FRMPD1: variants seen among roughly 807,000 people sequenced by gnomAD.
FRMPD1 encodes FERM and PDZ domain-containing protein 1.
FRMPD1 carries 76 observed loss-of-function variants against 117.8 expected under a neutral mutation model. The observed-to-expected ratio is 0.65, with a 90% CI of 0.54 to 0.78. FRMPD1 has a LOEUF of 0.78. FRMPD1 is among the 30% of genes least tolerant of loss of function. The pLI is 0.00. For missense variants in FRMPD1, 1,786 were observed against 1,964.5 expected (o/e 0.91, Z 1.72); for synonymous variants, 783 against 770.4 (o/e 1.02, Z -0.27).
At chr9:37,623,260 C>T in the FRMPD1 span, among the ~76,000 whole-genome samples, 1 of 152,114 alleles carries the variant, frequency 6.6e-6, no homozygotes, top group Non-Finnish European at 1.5e-5. Flanking sequence ...ATGAACGAGA[C>T]AGCCTCTGGT....
intron 1 of FRMPD1, among the ~76,000 whole-genome samples, chr9:37,664,885 G>T (rs143348396): frequency 2.1e-3 from 313 of 152,152 alleles, no homozygotes; most frequent in African/African-American, 7.2e-3. Flanking sequence ...TTTTGTGGGG[G>T]GCAATTTGGC....
At chr9:37,680,687 A>G (rs1353145993) in intron 1 of FRMPD1, among the ~76,000 whole-genome samples, 1 of 152,188 alleles carries the variant, frequency 6.6e-6, no homozygotes. Context: ...GGATGCAGGC[A>G]GCCAGAACTT....
chr9:37,704,459 G>A (rs776639096), intron 2 of FRMPD1, among the ~76,000 whole-genome samples: 3 of 152,076 alleles, frequency 2.0e-5, no homozygotes, highest in Non-Finnish European at 4.4e-5. Flanking sequence ...TATGCGGTGT[G>A]TATATTTCAT....
the FRMPD1 span, among the ~76,000 whole-genome samples, chr9:37,607,280 C>T: frequency 1.3e-5 from 2 of 152,092 alleles, no homozygotes; most frequent in South Asian, 4.1e-4. Context: ...CACACCACTG[C>T]ACTCCAGCCT....
chr9:37,713,280 C>T (rs560583009), intron 5 of FRMPD1, among the ~76,000 whole-genome samples: 5 of 152,098 alleles, frequency 3.3e-5, no homozygotes, highest in South Asian at 2.1e-4. Context: ...TCAATGTAAT[C>T]AGATAAAAAG....
the FRMPD1 span, among the ~76,000 whole-genome samples, chr9:37,609,119 C>T: frequency 6.6e-6 from 1 of 151,600 alleles, no homozygotes; most frequent in African/African-American, 2.4e-5. Context: ...GGAGAAACCC[C>T]GTCTCTACTA....
the FRMPD1 span, among the ~76,000 whole-genome samples, chr9:37,631,523 G>A: frequency 6.6e-6 from 1 of 152,226 alleles, no homozygotes; most frequent in Non-Finnish European, 1.5e-5. Flanking sequence ...AAACTCTAAA[G>A]CGTTTCCAAT....
At chr9:37,626,484 G>A in the FRMPD1 span, among the ~76,000 whole-genome samples, 61 of 123,266 alleles carry the variant, frequency 4.9e-4, no homozygotes, top group East Asian at 3.2e-3. Flanking sequence ...CAGCCTGGAC[G>A]ACAGAGACTT....
chr9:37,729,209 C>A (rs1823750921), intron 7 of FRMPD1, among the ~76,000 whole-genome samples: 1 of 151,234 alleles, frequency 6.6e-6, no homozygotes, highest in Non-Finnish European at 1.5e-5. Flanking sequence ...ATTCCAAAAC[C>A]CCATCTCTAC....
intron 1 of FRMPD1, among the ~76,000 whole-genome samples, chr9:37,687,698 T>G (rs1821997315): frequency 6.6e-6 from 1 of 152,222 alleles, no homozygotes; most frequent in African/African-American, 2.4e-5. Context: ...TAAATAATCC[T>G]TATTATAAAA....
At chr9:37,622,335 C>T in the FRMPD1 span, among the ~76,000 whole-genome samples, 79 of 152,334 alleles carry the variant, frequency 5.2e-4, no homozygotes, top group African/African-American at 1.8e-3. Flanking sequence ...GAATTACCAA[C>T]AGATGTGTGA....
intron 1 of FRMPD1, among the ~76,000 whole-genome samples, chr9:37,690,498 ATAAG>A (rs1822094525): frequency 6.6e-6 from 1 of 152,018 alleles, no homozygotes; most frequent in Non-Finnish European, 1.5e-5. Flanking sequence ...ATATTTATTG[ATAAG>A]TAAGAGTAAA....
At chr9:37,669,424 T>G (rs1170473954) in intron 1 of FRMPD1, among the ~76,000 whole-genome samples, 1 of 152,110 alleles carries the variant, frequency 6.6e-6, no homozygotes, top group African/African-American at 2.4e-5. Flanking sequence ...CCCAGCAACC[T>G]GTGTTTTAAC....
intron 1 of FRMPD1, among the ~76,000 whole-genome samples, chr9:37,674,708 A>T (rs1447902563): frequency 6.6e-6 from 1 of 152,232 alleles, no homozygotes; most frequent in Non-Finnish European, 1.5e-5. Context: ...TGGTGGCGGC[A>T]AGAGCAAATG....
chr9:37,630,352 TTTTTC>T, the FRMPD1 span, among the ~76,000 whole-genome samples: 3 of 152,100 alleles, frequency 2.0e-5, no homozygotes, highest in African/African-American at 7.2e-5. Flanking sequence ...TTTCTTTTTC[TTTTTC>T]TTTTCGTTTC....
chr9:37,630,422 C>T, the FRMPD1 span, among the ~76,000 whole-genome samples: 4,026 of 152,098 alleles, frequency 0.026, 202 homozygotes, highest in African/African-American at 0.091. Flanking sequence ...CGCTCTGTCA[C>T]CCAAGTTGGA....
chr9:37,714,890 C>T (rs938118041), intron 5 of FRMPD1, among the ~76,000 whole-genome samples: 22 of 152,076 alleles, frequency 1.4e-4, no homozygotes, highest in Admixed American at 6.6e-4. Flanking sequence ...TCAAGTGATC[C>T]GTCTGCCTCG....
chr9:37,729,382 CAAAAAAAAAAAAA>C (rs60967717), intron 7 of FRMPD1, among the ~76,000 whole-genome samples: 2 of 54,716 alleles, frequency 3.7e-5, no homozygotes, highest in East Asian at 7.8e-4. Context: ...GAGACCCTCT[CAAAAAAAAAAAAA>C]AAAAAAAAAA....
the FRMPD1 span, among the ~76,000 whole-genome samples, chr9:37,630,762 C>T: frequency 6.6e-6 from 1 of 152,148 alleles, no homozygotes; most frequent in Non-Finnish European, 1.5e-5. Flanking sequence ...GTGTGCATCC[C>T]GGTTTAGGCA....
Sources: gnomAD v4.1 joint callset for allele counts (sites outside exome capture counted in the v4.1 genomes callset) on GRCh38, gnomAD v4.1.1 for gene constraint, MANE v1.5 for transcripts, NCBI Gene and HGNC (gene_info 2026-07-23, HGNC 2026-07-21) for gene names.